APOLD1: variants seen among roughly 807,000 people sequenced by gnomAD.
The protein encoded by APOLD1 is apolipoprotein L domain-containing protein 1.
In APOLD1, 22 loss-of-function variants were observed where a neutral mutation model predicts 15.3. That is an observed-to-expected ratio of 1.44 (90% CI 1.03 to 2.05). The LOEUF (loss-of-function observed/expected upper bound fraction) is 2.05, where lower values mean the gene tolerates loss of function less well. APOLD1 is among the 30% of genes most tolerant of loss of function. APOLD1 has a pLI of 0.00. For synonymous variants in APOLD1, 190 were observed against 167.4 expected, an observed-to-expected ratio of 1.13 and a Z score of -1.04; for missense variants, 394 against 353.5, an observed-to-expected ratio of 1.11 and a Z score of -0.92.
In APOLD1 at chr12:12,787,057, G is replaced by A; in HGVS notation, c.152G>A (p.Arg51His). The A allele has an allele frequency of 7.3e-7, 1 of 1,376,274 alleles. No homozygotes were observed. Among genetic ancestry groups the A allele is most frequent in the South Asian group, 1.7e-5 (1 of 59,010 alleles). The allele number at this position is 1,376,274 out of a possible 1,614,324, so 85.3% of individuals were successfully genotyped here. A position where few individuals can be genotyped will look rare whatever the true frequency, so the allele number is the denominator to read the frequency against. Residue 51 changes from arginine to histidine, a missense_variant, in exon 2 of 2, where the codon CGC becomes CAC. Coordinates refer to ENST00000356591, the MANE Select transcript of APOLD1 (RefSeq NM_030817.3). The surrounding 1 kb of genome is among the most constrained non-coding windows in gnomAD (Gnocchi z 4.9). Reference sequence around the variant, plus strand: ...CGGCGCCTGGAGCGCCTGCGCAGGCGCTCCCTCGTAGCCAACGTGGCCGGC... The same window carrying A: ...CGGCGCCTGGAGCGCCTGCGCAGGCACTCCCTCGTAGCCAACGTGGCCGGC... The part of the protein sequence containing the change: ...VARRLERLRR[R>H]SLVANVAGSS...
Position 12,787,061 on chromosome 12 carries a change from C to T in APOLD1, c.156C>T (p.Ser52=), listed in dbSNP as rs1947134500. 2 of 1,377,472 alleles carry T rather than the reference C, an allele frequency of 1.5e-6. No homozygotes were observed. The highest frequency in any genetic ancestry group is 3.9e-5 in the Admixed American group (1 of 25,794). 85.3% of individuals were successfully genotyped at this position (1,377,472 alleles called of 1,614,324 possible). A position where few individuals can be genotyped will look rare whatever the true frequency, so the allele number is the denominator to read the frequency against. ...ARRLERLRRR[S]LVANVAGSSL... is the part of the protein sequence containing the mutation. The stretch of plus-strand genomic sequence containing the variant: ...GCCTGGAGCGCCTGCGCAGGCGCTC[C>T]CTCGTAGCCAACGTGGCCGGCAGCT... Residue 52 remains serine, a synonymous_variant, in exon 2 of 2, where the codon TCC becomes TCT. Transcript: ENST00000356591. The surrounding 1 kb of genome is among the most constrained non-coding windows in gnomAD (Gnocchi z 4.9).
At chr12:12,752,290 GAA>G (rs750224838) in intron 1 of APOLD1, among the ~76,000 whole-genome samples, 1 of 152,148 alleles carries the variant, frequency 6.6e-6, no homozygotes, top group Non-Finnish European at 1.5e-5. Context: ...TCAAGCCCAA[GAA>G]AGCACAAGTT....
At chr12:12,750,767 C>T (rs544950828) in intron 1 of APOLD1, among the ~76,000 whole-genome samples, 3 of 151,932 alleles carry the variant, frequency 2.0e-5, no homozygotes, top group Admixed American at 6.6e-5. Context: ...CAGAATGTCA[C>T]TGAACCTTTT....
At chr12:12,736,634 G>C (rs1946688904) in intron 1 of APOLD1, among the ~76,000 whole-genome samples, 1 of 152,232 alleles carries the variant, frequency 6.6e-6, no homozygotes, top group African/African-American at 2.4e-5. Flanking sequence ...TTAGTCTTAT[G>C]TTGGGGTTAT....
chr12:12,775,349 C>G (rs1455659455), intron 1 of APOLD1, among the ~76,000 whole-genome samples: 1 of 152,178 alleles, frequency 6.6e-6, no homozygotes, highest in Non-Finnish European at 1.5e-5. Context: ...GTAAACTACT[C>G]TGTATGAGAC....
chr12:12,729,133 T>C (rs993761404), intron 1 of APOLD1, among the ~76,000 whole-genome samples: 6 of 152,022 alleles, frequency 3.9e-5, no homozygotes, highest in African/African-American at 1.4e-4. Flanking sequence ...CCTTTACTCC[T>C]TTTTTTCCCC....
rs559072976 is a variant in APOLD1, at chr12:12,750,286, C to T, written c.96+24190C>T. Among the ~76,000 whole-genome samples, 12 of 143,294 alleles carry T rather than the reference C, an allele frequency of 8.4e-5. No individual in the cohort carries two copies. The East Asian group carries it at 8.6e-4, about 10-fold the overall frequency. 94.0% of individuals were successfully genotyped at this position (143,294 alleles called of 152,430 possible). A position where few individuals can be genotyped will look rare whatever the true frequency, so the allele number is the denominator to read the frequency against. ...ACCTGGGAGGCTGAGGCAGGAGAAT[C>T]GCTTGAACCCGGGAGACGGAGGTTG... On this transcript the variant is annotated intron_variant, in intron 1 of 1. Coordinates refer to the APOLD1 transcript ENST00000326765.
intron 1 of APOLD1, among the ~76,000 whole-genome samples, chr12:12,732,900 A>G (rs1946652199): frequency 6.6e-6 from 1 of 152,146 alleles, no homozygotes; most frequent in Non-Finnish European, 1.5e-5. Context: ...CAACCAAATA[A>G]AAACCCTTTA....
chr12:12,774,864 G>A (rs1947020030), intron 1 of APOLD1, among the ~76,000 whole-genome samples: 1 of 152,152 alleles, frequency 6.6e-6, no homozygotes, highest in Non-Finnish European at 1.5e-5. Flanking sequence ...ATTTGAAATG[G>A]TATGATGAGT....
At chr12:12,728,440 C>A (rs376363788) in intron 1 of APOLD1, among the ~76,000 whole-genome samples, 1 of 151,886 alleles carries the variant, frequency 6.6e-6, no homozygotes, top group Admixed American at 6.6e-5. Flanking sequence ...CTGAGGCGGG[C>A]AGATCGCTTG....
chr12:12,732,396 A>T (rs1273684937), intron 1 of APOLD1, among the ~76,000 whole-genome samples: 1 of 152,244 alleles, frequency 6.6e-6, no homozygotes, highest in Non-Finnish European at 1.5e-5. Flanking sequence ...TTGGCATTTA[A>T]TAAAGAGATT....
chr12:12,757,546 G>A (rs1337383930), intron 1 of APOLD1, among the ~76,000 whole-genome samples: 1 of 152,084 alleles, frequency 6.6e-6, no homozygotes, highest in Non-Finnish European at 1.5e-5. Flanking sequence ...GAACATCTTT[G>A]TGACTGCCAA....
intron 1 of APOLD1, among the ~76,000 whole-genome samples, chr12:12,749,443 C>G (rs996601004): frequency 8.5e-5 from 13 of 152,146 alleles, no homozygotes; most frequent in Admixed American, 2.0e-4. Context: ...TGCAAACCCC[C>G]ACCTTTTCTG....
At chr12:12,785,558 T>C, upstream of APOLD1, 1 of 1,531,028 alleles carries the variant, frequency 6.5e-7, no homozygotes, top group East Asian at 2.3e-5. Flanking sequence ...GCAGCAGGGG[T>C]CATGACAGGA....
chr12:12,770,320 G>A (rs763532166), intron 1 of APOLD1, among the ~76,000 whole-genome samples: 18 of 152,232 alleles, frequency 1.2e-4, no homozygotes, highest in Non-Finnish European at 1.9e-4. Context: ...CAAGAGAATC[G>A]CTTGAACCCA....
At chr12:12,770,210 G>A (rs1353900124) in intron 1 of APOLD1, among the ~76,000 whole-genome samples, 4 of 152,178 alleles carry the variant, frequency 2.6e-5, no homozygotes, top group African/African-American at 9.7e-5. Context: ...TTCAAGACCA[G>A]CCTGACAAGC....
intron 1 of APOLD1, among the ~76,000 whole-genome samples, chr12:12,752,453 C>T (rs750279966): frequency 1.3e-5 from 2 of 152,114 alleles, no homozygotes; most frequent in African/African-American, 4.8e-5. Flanking sequence ...TAGTTTTAAT[C>T]AGAATACAGT....
At chr12:12,778,651 G>A (rs1947056755) in intron 1 of APOLD1, among the ~76,000 whole-genome samples, 1 of 152,032 alleles carries the variant, frequency 6.6e-6, no homozygotes, top group Non-Finnish European at 1.5e-5. Context: ...TGTTGGGTTG[G>A]CCACAACTTG....
In APOLD1 at chr12:12,788,971, C is replaced by T. The variant is rs948947461; in HGVS notation, c.*1319C>T. 2 of 152,060 alleles carry T rather than the reference C, an allele frequency of 1.3e-5. No individual in the cohort carries two copies. Among genetic ancestry groups the T allele is most frequent in the African/African-American group, 4.8e-5 (2 of 41,390 alleles). 9.4% of individuals were successfully genotyped at this position (152,060 alleles called of 1,614,324 possible). On this transcript the variant is annotated 3_prime_UTR_variant, in exon 2 of 2. Transcript: ENST00000356591. ...TGAACAAGGGATGTAACACTAAAAG[C>T]CCATTAGGGGGCAGTGTTTCCCGCC... is the stretch of plus-strand genomic sequence containing the variant.
Sources: allele counts gnomAD v4.1 joint callset (sites outside exome capture counted in the v4.1 genomes callset), GRCh38; gene constraint gnomAD v4.1.1; non-coding constraint Gnocchi (gnomAD v3.1); transcripts MANE v1.5; gene names NCBI Gene and HGNC (gene_info 2026-07-23, HGNC 2026-07-21).